Variants in G3BP2 observed in about 807,000 individuals in gnomAD.
G3BP2 encodes the protein ras GTPase-activating protein-binding protein 2.
G3BP2 carries 11 observed loss-of-function variants against 56.7 expected under a neutral mutation model. That is an observed-to-expected ratio of 0.19 (90% confidence interval 0.12 to 0.32). The LOEUF (loss-of-function observed/expected upper bound fraction) is 0.32, where lower values mean the gene tolerates loss of function less well. Among genes scored for constraint, G3BP2 ranks in the 10% least tolerant of loss-of-function variants. The pLI is 1.00. For missense variants in G3BP2, 340 were observed against 610.9 expected, an observed-to-expected ratio of 0.56 and a Z score of 4.67; for synonymous variants, 165 against 191.6, an observed-to-expected ratio of 0.86 and a Z score of 1.15.
rs1733676512 is a variant in G3BP2 at position 75,673,411 on chromosome 4, G to C, written c.-228C>G. On this transcript the variant is annotated 5_prime_UTR_variant, in exon 1 of 12. Coordinates refer to ENST00000359707, the MANE Select transcript of G3BP2 (RefSeq NM_203505.3). ...GCGACGTGCGACAAGGACCACGGAC[G>C]TCCCGCCCCCTTTGCCACCGCCCCC... is the stretch of plus-strand genomic sequence containing the variant. The C allele has an allele frequency of 4.9e-6, 6 of 1,232,134 alleles. No homozygotes were observed. The highest frequency in any genetic ancestry group is 6.1e-6 in the Non-Finnish European group (6 of 988,054). The allele number at this position is 1,232,134 out of a possible 1,614,324, so 76.3% of individuals were successfully genotyped here. A position where few individuals can be genotyped will look rare whatever the true frequency, so the allele number is the denominator to read the frequency against.
intron 3 of G3BP2, among the ~76,000 whole-genome samples, chr4:75,685,256 T>G (rs1578427709): frequency 2.0e-5 from 3 of 150,992 alleles, no homozygotes; most frequent in Non-Finnish European, 4.4e-5. Flanking sequence ...ATCCCAGCAC[T>G]TTGGGAGGCC....
chr4:75,683,428 G>A (rs1036941545), intron 3 of G3BP2, among the ~76,000 whole-genome samples: 5 of 152,054 alleles, frequency 3.3e-5, no homozygotes, highest in Non-Finnish European at 5.9e-5. Context: ...GCTGGGCGTG[G>A]TGGCGTGTAC....
Position 75,659,006 on chromosome 4 carries a change from C to T in G3BP2, c.96-82G>A, listed in dbSNP as rs542565456. On this transcript the variant is annotated intron_variant, in intron 2 of 11. Transcript: ENST00000359707. Reference sequence around the variant, plus strand: ...GAATTCTGGTGTCATAGACTAGGTTCCGGATCCCGCTCTGTCACTAATTAG... The same window carrying T: ...GAATTCTGGTGTCATAGACTAGGTTTCGGATCCCGCTCTGTCACTAATTAG... 13 of 1,023,200 alleles carry T rather than the reference C, an allele frequency of 1.3e-5. No individual in the cohort carries two copies. In the African/African-American group the frequency reaches 1.6e-4, roughly 12 times the overall value. 63.4% of individuals were successfully genotyped at this position (1,023,200 alleles called of 1,614,324 possible).
chr4:75,657,796 C>A lies in G3BP2; in HGVS notation c.178-66G>T, dbSNP rs1578392352. The A allele has an allele frequency of 6.2e-6, 6 of 967,594 alleles. No homozygotes were observed. In the East Asian group the frequency reaches 1.2e-4, roughly 20 times the overall value. The allele number at this position is 967,594 out of a possible 1,614,324, so 59.9% of individuals were successfully genotyped here. A position where few individuals can be genotyped will look rare whatever the true frequency, so the allele number is the denominator to read the frequency against. On this transcript the variant is annotated intron_variant, in intron 3 of 11. Coordinates refer to ENST00000359707, the MANE Select transcript of G3BP2 (RefSeq NM_203505.3). ...CTGCATTACCTACACAATAATATTA[C>A]CTACCCTCATTGATTTCCTTACAAC... is the stretch of plus-strand genomic sequence containing the variant.
chr4:75,686,561 T>TGGCGGGGGGTGGGGGTGGGGG (rs1718614662), intron 3 of G3BP2, among the ~76,000 whole-genome samples: 1 of 1,242 alleles, frequency 8.1e-4, no homozygotes, highest in East Asian at 0.02. Flanking sequence ...AAAGGGTGGG[T>TGGCGGGGGGTGGGGGTGGGGG]GGCGGGGGGT....
chr4:75,673,125 C>T, intron 1 of G3BP2, 83 bp downstream of exon 1: 3 of 1,094,348 alleles, frequency 2.7e-6, no homozygotes, highest in Non-Finnish European at 3.3e-6. Flanking sequence ...ACACACCGGA[C>T]GATTGCCTCG....
chr4:75,673,147 G>C, intron 1 of G3BP2, 61 bp downstream of exon 1: 5 of 1,131,436 alleles, frequency 4.4e-6, no homozygotes, highest in Non-Finnish European at 5.4e-6. Flanking sequence ...GCCGCGGAGC[G>C]CGAATGGAAT....
intron 3 of G3BP2, among the ~76,000 whole-genome samples, chr4:75,684,639 C>T (rs1167154823): frequency 6.6e-6 from 1 of 152,046 alleles, no homozygotes; most frequent in Non-Finnish European, 1.5e-5. Flanking sequence ...TCAAACTCCT[C>T]GGTTCAGGTG....
chr4:75,718,619 T>C (rs1720022039), intron 3 of G3BP2, among the ~76,000 whole-genome samples: 1 of 152,202 alleles, frequency 6.6e-6, no homozygotes. Flanking sequence ...TCCTATGCCA[T>C]ATGCTTTGAG....
chr4:75,661,682 T>C (rs1732574020), intron 2 of G3BP2: 1 of 313,384 alleles, frequency 3.2e-6, no homozygotes, highest in Non-Finnish European at 6.0e-6. Flanking sequence ...AGAGTACATA[T>C]AAGAATAAGC....
At chr4:75,673,658 T>C, upstream of G3BP2, 1 of 1,227,084 alleles carries the variant, frequency 8.1e-7, no homozygotes, top group Non-Finnish European at 1.0e-6. Context: ...ACAAGCAGGC[T>C]GCCTTTCTCC....
chr4:75,648,722 G>T lies in G3BP2; in HGVS notation c.845C>A (p.Pro282Gln). The change falls in exon 9 of 12, where the codon CCA becomes CAA. Residue 282 changes from proline (P) to glutamine (Q), a missense_variant. Pro to Gln is a moderately conservative substitution (Grantham distance 76, BLOSUM62 -1). This residue lies in a region of G3BP2 where 224 missense variants were observed against 332.5 expected (regional missense o/e 0.67). Coordinates refer to ENST00000359707, the MANE Select transcript of G3BP2 (RefSeq NM_203505.3). The stretch of plus-strand genomic sequence containing the variant: ...ACGAGGTGGCTGAGATTGAACTTCT[G>T]GTTTAGCTTCGACTCTTGGCTAAAA... Reference protein sequence around the residue: ...PVSQPRVEAKPEVQSQPPRVR... With the variant: ...PVSQPRVEAKQEVQSQPPRVR... 6.2e-7 allele frequency: 1 copy of T among 1,604,450 alleles called. No individual in the cohort carries two copies. Among genetic ancestry groups the T allele is most frequent in the Non-Finnish European group, 8.5e-7 (1 of 1,172,330 alleles).
chr4:75,684,598 A>T (rs1411333977), intron 3 of G3BP2, among the ~76,000 whole-genome samples: 1 of 152,124 alleles, frequency 6.6e-6, no homozygotes, highest in Non-Finnish European at 1.5e-5. Context: ...ATTCAATCAC[A>T]GGCATAATCA....
At chr4:75,720,907 CAGG>C (rs1720145026) in exon 3 of G3BP2, among the ~76,000 whole-genome samples, 1 of 138,366 alleles carries the variant, frequency 7.2e-6, no homozygotes, top group African/African-American at 2.7e-5. Flanking sequence ...GAGGCTGAGG[CAGG>C]AGAATAGCTT....
chr4:75,707,456 A>T (rs1480886971), intron 3 of G3BP2, among the ~76,000 whole-genome samples: 1 of 151,806 alleles, frequency 6.6e-6, no homozygotes, highest in Non-Finnish European at 1.5e-5. Flanking sequence ...AAAAATACAA[A>T]AAATTAGCCG....
At chr4:75,704,078 G>C (rs1325702953) in intron 3 of G3BP2, among the ~76,000 whole-genome samples, 1 of 150,936 alleles carries the variant, frequency 6.6e-6, no homozygotes, top group East Asian at 1.9e-4. Context: ...GAGTGCCGTG[G>C]TGTGGTCTTG....
intron 3 of G3BP2, among the ~76,000 whole-genome samples, chr4:75,715,984 C>T (rs1719912749): frequency 6.6e-6 from 1 of 152,152 alleles, no homozygotes; most frequent in Non-Finnish European, 1.5e-5. Context: ...ATAACCTATA[C>T]AGACCTTAGA....
chr4:75,684,141 C>T (rs1718468439), intron 3 of G3BP2, among the ~76,000 whole-genome samples: 1 of 152,184 alleles, frequency 6.6e-6, no homozygotes, highest in African/African-American at 2.4e-5. Flanking sequence ...TGCGGTGGCT[C>T]ATGCCTGTAA....
Position 75,643,650 on chromosome 4 carries a change from G to T in G3BP2, c.*1780C>A, listed in dbSNP as rs190680790. 10 of 152,614 alleles carry T rather than the reference G, an allele frequency of 6.6e-5. No individual in the cohort carries two copies. In the East Asian group the frequency reaches 1.9e-3, roughly 29 times the overall value. 9.5% of individuals were successfully genotyped at this position (152,614 alleles called of 1,614,324 possible). On this transcript the variant is annotated 3_prime_UTR_variant, in exon 12 of 12. Transcript: ENST00000359707. ...CCAGTACATGAAAAACAAAATACATGCATCATTTGCTAGTTTACTAAATAG... is the reference window on the plus strand; with the variant it reads ...CCAGTACATGAAAAACAAAATACATTCATCATTTGCTAGTTTACTAAATAG...
Sources: gnomAD v4.1 joint callset for allele counts (sites outside exome capture counted in the v4.1 genomes callset) on GRCh38, gnomAD v4.1.1 for gene constraint, gnomAD v4.1.1 regional missense constraint, MANE v1.5 for transcripts, NCBI Gene and HGNC (gene_info 2026-07-23, HGNC 2026-07-21) for gene names.